Variants in PTPRN2 observed in about 807,000 individuals in gnomAD.
The protein encoded by PTPRN2 is receptor-type tyrosine-protein phosphatase N2.
In PTPRN2, 74 loss-of-function variants were observed where a neutral mutation model predicts 118.8. The ratio of observed to expected loss-of-function variants is 0.62; its 90% CI spans 0.52 to 0.76. The LOEUF is 0.76. PTPRN2 is among the 30% of genes least tolerant of loss of function. PTPRN2 has a pLI of 0.00. For missense variants in PTPRN2, 1,481 were observed against 1,394.4 expected, an observed-to-expected ratio of 1.06 and a Z score of -0.99; for synonymous variants, 641 against 608.0, an observed-to-expected ratio of 1.05 and a Z score of -0.80.
At chr7:158,312,844 GTGTGTGTGCA>G (rs1037021094) in intron 3 of PTPRN2, among the ~76,000 whole-genome samples, 1 of 151,022 alleles carries the variant, frequency 6.6e-6, no homozygotes, top group Admixed American at 6.6e-5. Flanking sequence ...GTGAGCATGG[GTGTGTGTGCA>G]TGTGTGTGGA....
intron 9 of PTPRN2, among the ~76,000 whole-genome samples, chr7:158,117,060 GA>G (rs1816782467): frequency 1.5e-5 from 2 of 134,506 alleles, no homozygotes; most frequent in South Asian, 2.3e-4. Context: ...CCATTCAAAG[GA>G]AAAAGGTAAG....
chr7:157,884,988 A>G (rs1796369310), intron 12 of PTPRN2, among the ~76,000 whole-genome samples: 1 of 152,166 alleles, frequency 6.6e-6, no homozygotes, highest in African/African-American at 2.4e-5. Flanking sequence ...TCATGGATGC[A>G]GGAGGTGCAC....
intron 21 of PTPRN2, among the ~76,000 whole-genome samples, chr7:157,567,183 T>A (rs547100080): frequency 6.6e-6 from 1 of 152,188 alleles, no homozygotes; most frequent in Non-Finnish European, 1.5e-5. Flanking sequence ...CACAGCAGCA[T>A]TAATGGACAA....
intron 2 of PTPRN2, among the ~76,000 whole-genome samples, chr7:158,410,962 A>AC (rs1254759574): frequency 6.6e-6 from 1 of 151,716 alleles, no homozygotes; most frequent in African/African-American, 2.4e-5. Context: ...GTACACAAGC[A>AC]CCCAGGTGAC....
intron 13 of PTPRN2, among the ~76,000 whole-genome samples, chr7:157,673,568 C>T (rs983782893): frequency 2.6e-5 from 4 of 152,072 alleles, no homozygotes; most frequent in Non-Finnish European, 5.9e-5. Flanking sequence ...CCTGGAAGCC[C>T]CTCCATTTCC....
rs980975746 is a variant in PTPRN2, at chr7:157,596,817, G to C, written c.2419-1502C>G. ...CTAAAATGGACTCTTTTGCTATCAGGGTTTGATTCGAGATTTACAATGTTC... is the reference window on the plus strand; with the variant it reads ...CTAAAATGGACTCTTTTGCTATCAGCGTTTGATTCGAGATTTACAATGTTC... On this transcript the variant is annotated intron_variant, in intron 16 of 22. Coordinates refer to ENST00000389418, the MANE Select transcript of PTPRN2 (RefSeq NM_002847.5). This position sits in a 1 kb window ranked among gnomAD's most constrained non-coding sequence, Gnocchi z 4.2. Among the ~76,000 whole-genome samples the C allele has an allele frequency of 5.3e-5, 8 of 152,256 alleles. No individual in the cohort carries two copies. Among genetic ancestry groups the C allele is most frequent in the Middle Eastern group, 3.4e-3 (1 of 294 alleles).
chr7:158,009,817 T>G (rs1805908856), intron 11 of PTPRN2, among the ~76,000 whole-genome samples: 1 of 152,226 alleles, frequency 6.6e-6, no homozygotes, highest in African/African-American at 2.4e-5. Flanking sequence ...ATTTCTGATT[T>G]GGATCTATGA....
chr7:158,205,995 G>A (rs1827113175), intron 3 of PTPRN2, among the ~76,000 whole-genome samples: 1 of 152,184 alleles, frequency 6.6e-6, no homozygotes, highest in Admixed American at 6.5e-5. Context: ...CTTGAAGGCT[G>A]CCTATGATGG....
chr7:157,663,210 G>A (rs1585199391), intron 13 of PTPRN2, among the ~76,000 whole-genome samples: 3 of 152,078 alleles, frequency 2.0e-5, no homozygotes, highest in Admixed American at 6.5e-5. Context: ...GGCAAGGGGC[G>A]AACAGCGCAC....
chr7:158,244,397 A>G (rs576866091), intron 3 of PTPRN2, among the ~76,000 whole-genome samples: 1 of 152,374 alleles, frequency 6.6e-6, no homozygotes, highest in African/African-American at 2.4e-5. Flanking sequence ...ATGAAAAAGG[A>G]ACAGATACAC....
At chr7:158,586,129 C>T (rs562165733) in intron 1 of PTPRN2, among the ~76,000 whole-genome samples, 1 of 152,298 alleles carries the variant, frequency 6.6e-6, no homozygotes, top group South Asian at 2.1e-4. Context: ...ACACTCCCTC[C>T]CAGGACTCCA....
In PTPRN2 at chr7:157,787,090, TGGCTGCCCGG is replaced by T. The variant is rs1804099990; in HGVS notation, c.1789-104163_1789-104154del. Reference sequence around the variant, plus strand: ...GCGGGTGCGGCGGGGGACGCGGGGGTGGCTGCCCGGGAGGCGGACGCGGGTGCGGCGGGGG... The same window carrying T: ...GCGGGTGCGGCGGGGGACGCGGGGGTGAGGCGGACGCGGGTGCGGCGGGGG... On this transcript the variant is annotated intron_variant, in intron 12 of 22. Transcript: ENST00000389418. This position sits in a 1 kb window ranked among gnomAD's most constrained non-coding sequence, Gnocchi z 5.3. Among the ~76,000 whole-genome samples the T allele has an allele frequency of 9.9e-6, 1 of 101,260 alleles. No individual in the cohort carries two copies. Among genetic ancestry groups the T allele is most frequent in the South Asian group, 4.0e-4 (1 of 2,484 alleles). The allele number at this position is 101,260 out of a possible 152,430, so 66.4% of individuals were successfully genotyped here.
At chr7:158,432,390 G>A (rs1462644477) in intron 2 of PTPRN2, among the ~76,000 whole-genome samples, 1 of 152,188 alleles carries the variant, frequency 6.6e-6, no homozygotes, top group African/African-American at 2.4e-5. Context: ...AGCTCAGATA[G>A]CGGATTTCAA....
At chr7:158,466,877 C>A (rs546106715) in intron 2 of PTPRN2, among the ~76,000 whole-genome samples, 1 of 152,226 alleles carries the variant, frequency 6.6e-6, no homozygotes, top group East Asian at 1.9e-4. Context: ...CCCATCTCTA[C>A]TAAAAATATA....
chr7:157,779,920 C>G lies in PTPRN2; in HGVS notation c.1789-96983G>C, dbSNP rs1471392060. The stretch of plus-strand genomic sequence containing the variant: ...CGTACAACACGCCGCAAGCAGCCCT[C>G]GAGGAATGGAAAACTCTCAGACTGC... On this transcript the variant is annotated intron_variant, in intron 12 of 22. Transcript: ENST00000389418. This position sits in a 1 kb window ranked among gnomAD's most constrained non-coding sequence, Gnocchi z 4.7. 6.6e-6 allele frequency among the ~76,000 whole-genome samples: 1 copy of G among 152,130 alleles called. No individual in the cohort carries two copies.
intron 11 of PTPRN2, chr7:158,028,454 CGA>C (rs1563342001): frequency 6.6e-6 from 1 of 152,176 alleles, no homozygotes; most frequent in African/African-American, 2.4e-5. Context: ...CCATTTCAGA[CGA>C]GAGAGGAAAG....
chr7:157,614,739 G>C (rs1402410376), intron 15 of PTPRN2, among the ~76,000 whole-genome samples: 1 of 152,180 alleles, frequency 6.6e-6, no homozygotes, highest in East Asian at 1.9e-4. Context: ...CCTGAGGGGG[G>C]GCCTAGTGCA....
rs569586945 is a variant in PTPRN2 at position 158,150,176 on chromosome 7, G to C, written c.911-11661C>G. ...CCTGCAGGCTCCTGTTGCCTCAAGC[G>C]GGGCAGTGTGTGTGAGACCCACCTT... On this transcript the variant is annotated intron_variant, in intron 6 of 22. Transcript: ENST00000389418. Among the ~76,000 whole-genome samples the C allele has an allele frequency of 1.1e-4, 16 of 152,328 alleles. 1 individual carries two copies. Among genetic ancestry groups the C allele is most frequent in the African/African-American group, 3.8e-4 (16 of 41,574 alleles).
chr7:157,623,768 C>T (rs1803403113), intron 14 of PTPRN2, among the ~76,000 whole-genome samples: 1 of 152,158 alleles, frequency 6.6e-6, no homozygotes, highest in Non-Finnish European at 1.5e-5. Context: ...GCACGTGACT[C>T]TATTAAAACT....
Sources: allele counts gnomAD v4.1 joint callset (sites outside exome capture counted in the v4.1 genomes callset), GRCh38; gene constraint gnomAD v4.1.1; non-coding constraint Gnocchi (gnomAD v3.1); transcripts MANE v1.5; gene names NCBI Gene and HGNC (gene_info 2026-07-23, HGNC 2026-07-21).